FRA10AC1: variants seen among roughly 807,000 people sequenced by gnomAD.
FRA10AC1 encodes protein FRA10AC1.
A neutral mutation model predicts 56.5 loss-of-function variants in FRA10AC1; 43 were observed. That is an observed-to-expected ratio of 0.76 (90% CI 0.60 to 0.98). FRA10AC1 has a LOEUF of 0.98. Ranked by LOEUF, FRA10AC1 falls within the 50% of genes least tolerant of loss-of-function variation. The pLI is 0.00. For missense variants in FRA10AC1, 346 were observed against 351.8 expected (o/e 0.98, Z 0.13); for synonymous variants, 112 against 110.5 (o/e 1.01, Z -0.09).
chr10:93,678,487 C>G (rs905931609), intron 11 of FRA10AC1, among the ~76,000 whole-genome samples: 1 of 152,024 alleles, frequency 6.6e-6, no homozygotes, highest in Non-Finnish European at 1.5e-5. Context: ...GTAAGAGCCC[C>G]GAGGAACTCT....
intron 5 of FRA10AC1, among the ~76,000 whole-genome samples, chr10:93,693,724 C>A: frequency 8.0e-6 from 1 of 125,394 alleles, no homozygotes; most frequent in African/African-American, 2.7e-5. Context: ...TTATATATAC[C>A]ATGGAATACT....
chr10:93,693,112 G>T (rs541528074), intron 5 of FRA10AC1, among the ~76,000 whole-genome samples: 1 of 151,540 alleles, frequency 6.6e-6, no homozygotes, highest in Non-Finnish European at 1.5e-5. Flanking sequence ...AAAGTTTTCC[G>T]TATCTCATTT....
chr10:93,669,989 T>C lies in FRA10AC1; in HGVS notation c.906-121A>G, dbSNP rs548722633. ...CAACATATTGGCTGATTCTGCTATA[T>C]ATCAATATATTGCCATGATTCAGCC... On this transcript the variant is annotated intron_variant, in intron 13 of 13. Coordinates refer to ENST00000359204, the MANE Select transcript of FRA10AC1 (RefSeq NM_145246.5). 1.0e-4 allele frequency: 58 copies of C among 556,420 alleles called. 1 individual carries two copies. Among genetic ancestry groups the C allele is most frequent in the Admixed American group, 8.1e-4 (22 of 27,070 alleles). 34.5% of individuals were successfully genotyped at this position (556,420 alleles called of 1,614,324 possible).
chr10:93,692,522 T>C, intron 6 of FRA10AC1, 124 bp downstream of exon 6: 1 of 643,068 alleles, frequency 1.6e-6, no homozygotes, highest in Admixed American at 3.5e-5. Context: ...CTAGGCTTGA[T>C]TTTATGTCCT....
At chr10:93,676,570 C>T in intron 12 of FRA10AC1, 83 bp downstream of exon 12, 1 of 1,441,332 alleles carries the variant, frequency 6.9e-7, no homozygotes, top group Non-Finnish European at 9.1e-7. Context: ...TAATTCACAT[C>T]ACAGCAAGAT....
At chr10:93,695,696 G>GT (rs959821838) in intron 4 of FRA10AC1, among the ~76,000 whole-genome samples, 1 of 151,352 alleles carries the variant, frequency 6.6e-6, no homozygotes, top group Admixed American at 6.6e-5. Flanking sequence ...TCAGATTATG[G>GT]TATTTCCATA....
chr10:93,700,987 A>G (rs1415154785), intron 1 of FRA10AC1, among the ~76,000 whole-genome samples: 1 of 151,970 alleles, frequency 6.6e-6, no homozygotes, highest in Non-Finnish European at 1.5e-5. Flanking sequence ...GCATAATCAC[A>G]CCTGGCAAAC....
intron 4 of FRA10AC1, among the ~76,000 whole-genome samples, chr10:93,696,623 TA>T (rs1414254621): frequency 9.2e-5 from 14 of 152,216 alleles, no homozygotes; most frequent in Non-Finnish European, 1.9e-4. Context: ...AAAAGGAATA[TA>T]AATCATTCTA....
rs946152841 is a variant in FRA10AC1 at position 93,667,994 on chromosome 10, C to A, written c.*1832G>T. Reference sequence around the variant, plus strand: ...TCTGAAACAGGTTCAGAAATGATTGCATAATTACTTCCTAGATGGTTCCTT... The same window carrying A: ...TCTGAAACAGGTTCAGAAATGATTGAATAATTACTTCCTAGATGGTTCCTT... On this transcript the variant is annotated 3_prime_UTR_variant, in exon 14 of 14. Coordinates refer to ENST00000359204, the MANE Select transcript of FRA10AC1 (RefSeq NM_145246.5). 2 of 152,142 alleles carry A rather than the reference C, an allele frequency of 1.3e-5. No individual in the cohort carries two copies. Among genetic ancestry groups the A allele is most frequent in the Non-Finnish European group, 2.9e-5 (2 of 68,022 alleles). The allele number at this position is 152,142 out of a possible 1,614,324, so 9.4% of individuals were successfully genotyped here.
intron 1 of FRA10AC1, among the ~76,000 whole-genome samples, chr10:93,700,418 T>C (rs1243896309): frequency 1.3e-5 from 2 of 152,242 alleles, no homozygotes; most frequent in Admixed American, 6.5e-5. Context: ...GGTTTAGCAA[T>C]CCTTCACTTT....
Position 93,669,800 on chromosome 10 carries a change from A to G in FRA10AC1, c.*26T>C. 1 of 1,491,444 alleles carries G rather than the reference A, an allele frequency of 6.7e-7. No homozygotes were observed. The highest frequency in any genetic ancestry group is 9.2e-7 in the Non-Finnish European group (1 of 1,087,284). The allele number at this position is 1,491,444 out of a possible 1,614,324, so 92.4% of individuals were successfully genotyped here. On this transcript the variant is annotated 3_prime_UTR_variant, in exon 14 of 14. Transcript: ENST00000359204. ...TAAAACTTCATGAAGTTTCACATTA[A>G]GGAGCGGAGGCTTCTCTCTCTCGTC...
Position 93,698,182 on chromosome 10 carries a change from C to T in FRA10AC1, c.174-1G>A, listed in dbSNP as rs188564452. 1 of 1,579,234 alleles carries T rather than the reference C, an allele frequency of 6.3e-7. No homozygotes were observed. Among genetic ancestry groups the T allele is most frequent in the East Asian group, 2.3e-5 (1 of 44,356 alleles). Reference sequence around the variant, plus strand: ...AAACCTTCTATTTCTTGCTTCTTCCCTGTTAAAACAAATTTTTTTAAGAAA... The same window carrying T: ...AAACCTTCTATTTCTTGCTTCTTCCTTGTTAAAACAAATTTTTTTAAGAAA... On this transcript the variant is annotated splice_acceptor_variant, in intron 3 of 13. Transcript: ENST00000359204. LOFTEE classifies it high-confidence loss of function.
intron 12 of FRA10AC1, chr10:93,675,087 C>T (rs1179314512): frequency 6.6e-6 from 1 of 152,154 alleles, no homozygotes; most frequent in African/African-American, 2.4e-5. Context: ...CTTTAAGACA[C>T]TTCAAATATG....
rs557962307 is a variant in FRA10AC1, at chr10:93,679,054, A to G, written c.788-2363T>C. On this transcript the variant is annotated intron_variant, in intron 11 of 13. Transcript: ENST00000359204. ...TAGATGATCCCAGATAAGATATTAA[A>G]GAGTTCCACATGGTTTTCCTAAAAG... Among the ~76,000 whole-genome samples the G allele has an allele frequency of 6.6e-5, 10 of 152,316 alleles. No homozygotes were observed. The South Asian group carries it at 2.1e-3, about 32-fold the overall frequency.
At chr10:93,694,713 T>TAAAAAA (rs10554752) in intron 5 of FRA10AC1, 148 bp downstream of exon 5, 5 of 240,634 alleles carry the variant, frequency 2.1e-5, no homozygotes, top group Non-Finnish European at 2.8e-5. Flanking sequence ...GACTCCATCT[T>TAAAAAA]AAAAAAAAAA....
At chr10:93,699,922 T>C (rs2059301032) in intron 2 of FRA10AC1, 108 bp downstream of exon 2, 1 of 635,402 alleles carries the variant, frequency 1.6e-6, no homozygotes. Flanking sequence ...ACTAGAGCAA[T>C]TGTCTTCACA....
intron 4 of FRA10AC1, among the ~76,000 whole-genome samples, chr10:93,697,933 T>C (rs2059260092): frequency 6.6e-6 from 1 of 152,206 alleles, no homozygotes; most frequent in Non-Finnish European, 1.5e-5. Context: ...TAATATGTTT[T>C]ATTATTTTTG....
At chr10:93,702,262 A>C (rs1303383345) in intron 1 of FRA10AC1, 113 bp downstream of exon 1, 1 of 152,186 alleles carries the variant, frequency 6.6e-6, no homozygotes, top group Non-Finnish European at 1.5e-5. Context: ...CCAAAAAAAA[A>C]AAAACCAAAC....
At chr10:93,698,459 A>G in intron 2 of FRA10AC1, 63 bp from the exon 3 acceptor site, 1 of 934,790 alleles carries the variant, frequency 1.1e-6, no homozygotes, top group Non-Finnish European at 1.7e-6. Flanking sequence ...AATTCTTTAT[A>G]TTTTCATAAC....
Sources: allele counts gnomAD v4.1 joint callset (sites outside exome capture counted in the v4.1 genomes callset), GRCh38; gene constraint gnomAD v4.1.1; transcripts MANE v1.5; gene names NCBI Gene and HGNC (gene_info 2026-07-23, HGNC 2026-07-21).